The following FGD5 variants were observed in gnomAD, a reference collection of about 807,000 sequenced individuals.
FGD5 encodes FYVE, RhoGEF and PH domain containing 5, also known as FYVE, RhoGEF and PH domain-containing protein 5.
Under a neutral mutation model 133.4 loss-of-function variants are expected in FGD5, and 28 were observed. The observed-to-expected ratio is 0.21, with a 90% CI of 0.16 to 0.29. The LOEUF (loss-of-function observed/expected upper bound fraction) is 0.29. FGD5 is among the 10% of genes least tolerant of loss of function. FGD5 has a pLI of 1.00. For synonymous variants in FGD5, 810 were observed against 776.5 expected (o/e 1.04, Z -0.72); for missense variants, 1,858 against 1,895.2 (o/e 0.98, Z 0.36).
chr3:14,927,166 T>C (rs1169051712), intron 18 of FGD5, among the ~76,000 whole-genome samples: 2 of 152,236 alleles, frequency 1.3e-5, no homozygotes, highest in Non-Finnish European at 2.9e-5. Flanking sequence ...AGACAGGGGA[T>C]CTGCCATAGG....
chr3:14,898,728 C>G lies in FGD5; in HGVS notation c.3067-11C>G, dbSNP rs1202519782. On this transcript the variant is annotated splice_polypyrimidine_tract_variant and intron_variant, in intron 6 of 19. Coordinates refer to ENST00000285046, the MANE Select transcript of FGD5 (RefSeq NM_152536.4). ...TCTGATAAGGTTTTTCCTTCCCTGT[C>G]TTGAGAGCAGCAGAGTGTACAAGGA... is the stretch of plus-strand genomic sequence containing the variant. 1 of 1,572,662 alleles carries G rather than the reference C, an allele frequency of 6.4e-7. No individual in the cohort carries two copies. The highest frequency in any genetic ancestry group is 8.6e-7 in the Non-Finnish European group (1 of 1,159,484).
Position 14,917,380 on chromosome 3 carries a change from C to T in FGD5, c.3489+48C>T, listed in dbSNP as rs1165044473. 2 of 1,556,554 alleles carry T rather than the reference C, an allele frequency of 1.3e-6. No homozygotes were observed. The highest frequency in any genetic ancestry group is 1.8e-6 in the Non-Finnish European group (2 of 1,140,832). On this transcript the variant is annotated intron_variant, in intron 12 of 19. Coordinates refer to ENST00000285046, the MANE Select transcript of FGD5 (RefSeq NM_152536.4). The surrounding 1 kb of genome is among the most constrained non-coding windows in gnomAD (Gnocchi z 4.1). ...CCCCGGGTTGGGGGACAGGGAGACC[C>T]CAGGGGAGAAGGGGACAGCATCCTG... is the stretch of plus-strand genomic sequence containing the variant.
chr3:14,926,915 C>T (rs769467616), intron 18 of FGD5, among the ~76,000 whole-genome samples: 1 of 152,166 alleles, frequency 6.6e-6, no homozygotes, highest in Non-Finnish European at 1.5e-5. Flanking sequence ...TGCTTTGCTC[C>T]ACTGGGATAT....
chr3:14,831,614 G>C (rs2036709120), intron 1 of FGD5, among the ~76,000 whole-genome samples: 1 of 152,212 alleles, frequency 6.6e-6, no homozygotes, highest in South Asian at 2.1e-4. Context: ...AGCCACACCA[G>C]AGGGAGGGTA....
chr3:14,913,848 C>G (rs1447647331), intron 11 of FGD5, among the ~76,000 whole-genome samples: 1 of 152,172 alleles, frequency 6.6e-6, no homozygotes, highest in Non-Finnish European at 1.5e-5. Context: ...CCCCTTCAAG[C>G]CAAGCTCAGA....
At position 14,844,213 on chromosome 3, in the gene FGD5, AAAAAATATATATATATATATAT is replaced by A. The variant is rs1388910307; in HGVS notation, c.2526-19913_2526-19892del. The stretch of plus-strand genomic sequence containing the variant: ...ACATCTTAATAGGCATTAAAAAAAA[AAAAAATATATATATATATATAT>A]ATATATATATATATATATATATATA... On this transcript the variant is annotated intron_variant, in intron 1 of 19. Coordinates refer to ENST00000285046, the MANE Select transcript of FGD5 (RefSeq NM_152536.4). Among the ~76,000 whole-genome samples, 7 of 32,648 alleles carry A rather than the reference AAAAAATATATATATATATATAT, an allele frequency of 2.1e-4. No individual in the cohort carries two copies. The East Asian group carries it at 2.5e-3, about 12-fold the overall frequency. 21.4% of individuals were successfully genotyped at this position (32,648 alleles called of 152,430 possible).
intron 1 of FGD5, among the ~76,000 whole-genome samples, chr3:14,860,208 C>T (rs988425825): frequency 6.6e-6 from 1 of 152,202 alleles, no homozygotes; most frequent in South Asian, 2.1e-4. Flanking sequence ...TATGCCGTGG[C>T]TGTGGCCCAC....
intron 2 of FGD5, 102 bp downstream of exon 2, chr3:14,864,362 C>T: frequency 6.4e-7 from 1 of 1,561,262 alleles, no homozygotes; most frequent in Non-Finnish European, 8.8e-7. Flanking sequence ...GAGCTGTTTG[C>T]AGATAGCTGG....
chr3:14,900,745 G>C (rs1559499125), intron 8 of FGD5, among the ~76,000 whole-genome samples: 1 of 152,168 alleles, frequency 6.6e-6, no homozygotes, highest in Non-Finnish European at 1.5e-5. Flanking sequence ...GGTCTGAAAA[G>C]CTCACCACAG....
chr3:14,851,412 C>A (rs911479341), intron 1 of FGD5, among the ~76,000 whole-genome samples: 2 of 152,188 alleles, frequency 1.3e-5, no homozygotes, highest in Admixed American at 1.3e-4. Flanking sequence ...ACAGTCAGGT[C>A]CCAAAATGTA....
At position 14,819,583 on chromosome 3, in the gene FGD5, A is replaced by G. The variant is rs1365671487; in HGVS notation, c.512A>G (p.Gln171Arg). The G allele has an allele frequency of 3.2e-6, 5 of 1,551,530 alleles. No individual in the cohort carries two copies. In the South Asian group the frequency reaches 5.9e-5, roughly 18 times the overall value. Residue 171 changes from glutamine to arginine, a missense_variant, in exon 1 of 20, where the codon CAG becomes CGG. Gln to Arg is a conservative substitution (Grantham distance 43). Transcript: ENST00000285046. The surrounding 1 kb of genome is among the most constrained non-coding windows in gnomAD (Gnocchi z 4.1). ...AGTGAGGAGGAAGAGAAGCTAGTGC[A>G]GCCACACAGGGAGTGCAGCCTGGAG... is the stretch of plus-strand genomic sequence containing the variant. ...SRSEEEEKLV[Q>R]PHRECSLEDS... is the part of the protein sequence containing the mutation.
At chr3:14,811,380 T>A (rs188957740) in intron 1 of FGD5, 1 of 152,368 alleles carries the variant, frequency 6.6e-6, no homozygotes, top group East Asian at 1.9e-4. Flanking sequence ...TCCTGCTCCC[T>A]TCTCTCCTCC....
intron 1 of FGD5, among the ~76,000 whole-genome samples, chr3:14,850,832 G>A (rs2037148584): frequency 6.6e-6 from 1 of 152,144 alleles, no homozygotes; most frequent in South Asian, 2.1e-4. Context: ...CAAGTGCAGG[G>A]GAGGGTGGGA....
intron 9 of FGD5, among the ~76,000 whole-genome samples, chr3:14,906,945 T>A (rs1398702257): frequency 2.6e-5 from 4 of 152,216 alleles, no homozygotes; most frequent in African/African-American, 9.6e-5. Context: ...ACATCTTAAA[T>A]GGAAATGGAA....
chr3:14,897,332 G>C, intron 4 of FGD5, 177 bp from the exon 5 acceptor site: 1 of 703,860 alleles, frequency 1.4e-6, no homozygotes, highest in Non-Finnish European at 2.3e-6. Context: ...ATGGTCGCCA[G>C]GTGCATGTGG....
intron 1 of FGD5, among the ~76,000 whole-genome samples, chr3:14,861,183 G>C (rs181345762): frequency 6.6e-6 from 1 of 152,170 alleles, no homozygotes; most frequent in Non-Finnish European, 1.5e-5. Context: ...GGTTTGGGAA[G>C]CACAAAGACA....
At chr3:14,865,636 A>G (rs2037479811) in intron 2 of FGD5, among the ~76,000 whole-genome samples, 1 of 151,916 alleles carries the variant, frequency 6.6e-6, no homozygotes, top group African/African-American at 2.4e-5. Context: ...CATGTTTGTC[A>G]TCTCCTTGAC....
chr3:14,914,178 G>T (rs1056786068), intron 11 of FGD5, among the ~76,000 whole-genome samples: 3 of 152,226 alleles, frequency 2.0e-5, no homozygotes, highest in Admixed American at 6.5e-5. Context: ...GAGTGCCATG[G>T]TGAACAAACA....
intron 4 of FGD5, among the ~76,000 whole-genome samples, chr3:14,892,038 C>T (rs529475036): frequency 1.3e-5 from 2 of 152,000 alleles, no homozygotes; most frequent in East Asian, 3.9e-4. Context: ...CCTCCCTGTC[C>T]TCTTTTCTAC....
Sources: gnomAD v4.1 joint callset for allele counts (sites outside exome capture counted in the v4.1 genomes callset) on GRCh38, gnomAD v4.1.1 for gene constraint, Gnocchi (gnomAD v3.1) non-coding constraint, MANE v1.5 for transcripts, NCBI Gene and HGNC (gene_info 2026-07-23, HGNC 2026-07-21) for gene names.